The following PPP2R3C variants were observed in gnomAD, a reference collection of about 807,000 sequenced individuals.
PPP2R3C encodes the protein protein phosphatase 2 regulatory subunit B''gamma.
In PPP2R3C, 47 loss-of-function variants were observed where a neutral mutation model predicts 63.7. The observed-to-expected ratio is 0.74, with a 90% CI of 0.58 to 0.94. PPP2R3C has a LOEUF of 0.94. Ranked by LOEUF, PPP2R3C falls within the 40% of genes least tolerant of loss-of-function variation. The probability of loss-of-function intolerance (pLI) is 0.00; values close to 1 mark genes in which losing one functional copy is unlikely to be tolerated. For missense variants in PPP2R3C, 421 were observed against 518.4 expected (o/e 0.81, Z 1.82); for synonymous variants, 180 against 177.4 (o/e 1.01, Z -0.12).
intron 2 of PPP2R3C, among the ~76,000 whole-genome samples, chr14:35,114,311 A>C (rs1259175593): frequency 2.0e-5 from 3 of 152,226 alleles, no homozygotes; most frequent in Non-Finnish European, 4.4e-5. Context: ...TCTACAATAA[A>C]TATAGGCTAG....
intron 1 of PPP2R3C, among the ~76,000 whole-genome samples, chr14:35,120,134 C>T (rs891160115): frequency 1.8e-4 from 28 of 151,650 alleles, no homozygotes; most frequent in African/African-American, 6.8e-4. Flanking sequence ...CCACCGCGCC[C>T]GGCATCAGTT....
At chr14:35,110,491 T>G (rs772894945) in intron 3 of PPP2R3C, 34 bp downstream of exon 3, 2 of 1,408,742 alleles carry the variant, frequency 1.4e-6, no homozygotes. Context: ...GAGAAATGGT[T>G]AACATCTAAA....
At chr14:35,107,650 C>T (rs1214830278) in intron 5 of PPP2R3C, 4 of 396,368 alleles carry the variant, frequency 1.0e-5, no homozygotes, top group African/African-American at 2.0e-5. Flanking sequence ...TAATATTATG[C>T]CTTCAGTGAA....
chr14:35,093,907 T>TCCCAAAGTTATCAGATTCTTAA (rs1340786625), intron 10 of PPP2R3C, among the ~76,000 whole-genome samples: 1 of 152,164 alleles, frequency 6.6e-6, no homozygotes, highest in East Asian at 1.9e-4. Flanking sequence ...CGCCTCGGCC[T>TCCCAAAGTTATCAGATTCTTAA]CCCAAAGTTA....
intron 6 of PPP2R3C, among the ~76,000 whole-genome samples, chr14:35,103,545 T>A (rs1048545268): frequency 6.6e-6 from 1 of 152,206 alleles, no homozygotes; most frequent in Non-Finnish European, 1.5e-5. Context: ...ATTTAGTGTC[T>A]GTCTTCCCAC....
At chr14:35,091,676 C>G (rs1291961479) in intron 10 of PPP2R3C, among the ~76,000 whole-genome samples, 1 of 149,374 alleles carries the variant, frequency 6.7e-6, no homozygotes, top group East Asian at 2.0e-4. Context: ...CATAGGAATT[C>G]TATATATAAT....
intron 2 of PPP2R3C, among the ~76,000 whole-genome samples, chr14:35,114,882 A>G (rs1380915053): frequency 6.6e-6 from 1 of 152,112 alleles, no homozygotes; most frequent in Non-Finnish European, 1.5e-5. Flanking sequence ...AATCCCAGCT[A>G]CTTAGGAGGG....
At chr14:35,107,953 G>A (rs1327412424) in intron 5 of PPP2R3C, 186 bp downstream of exon 5, 2 of 625,704 alleles carry the variant, frequency 3.2e-6, no homozygotes, top group African/African-American at 3.8e-5. Context: ...AGACACATGA[G>A]GGTTTAAAAA....
At chr14:35,110,950 T>C (rs1049648981) in intron 2 of PPP2R3C, among the ~76,000 whole-genome samples, 5 of 152,026 alleles carry the variant, frequency 3.3e-5, no homozygotes, top group Non-Finnish European at 7.4e-5. Flanking sequence ...TAGAATGATA[T>C]AGAATTGGCT....
At chr14:35,097,639 C>T (rs1595091367) in intron 7 of PPP2R3C, among the ~76,000 whole-genome samples, 1 of 152,128 alleles carries the variant, frequency 6.6e-6, no homozygotes, top group African/African-American at 2.4e-5. Flanking sequence ...CCCACCACCA[C>T]ATCCAGCTAA....
At chr14:35,122,060 A>T, upstream of PPP2R3C, 1 of 1,298,004 alleles carries the variant, frequency 7.7e-7, no homozygotes, top group East Asian at 2.4e-5. Flanking sequence ...AAGGTTAGGA[A>T]GGCCGTCCAA....
intron 1 of PPP2R3C, among the ~76,000 whole-genome samples, chr14:35,121,009 A>G (rs2046866798): frequency 6.6e-6 from 1 of 152,100 alleles, no homozygotes; most frequent in East Asian, 1.9e-4. Context: ...AATTGAATGT[A>G]GGAGAATGAA....
intron 1 of PPP2R3C, 135 bp from the exon 2 acceptor site, chr14:35,116,872 C>T: frequency 2.9e-6 from 2 of 685,980 alleles, no homozygotes; most frequent in Non-Finnish European, 4.4e-6. Flanking sequence ...TGTGCTTAGA[C>T]ACTGAGCATA....
In PPP2R3C at chr14:35,114,949, G is replaced by A. The variant is rs113004951; in HGVS notation, c.186+1661C>T. ...GCAGAGGTCGCAGTGAGCTGAGATC[G>A]TGCCATTGCACTCCGGCCTGGGCAA... is the stretch of plus-strand genomic sequence containing the variant. On this transcript the variant is annotated intron_variant, in intron 2 of 12. Coordinates refer to ENST00000261475, the MANE Select transcript of PPP2R3C (RefSeq NM_017917.4). Among the ~76,000 whole-genome samples the A allele has an allele frequency of 7.9e-5, 12 of 151,942 alleles. 1 individual carries two copies. Among genetic ancestry groups the A allele is most frequent in the Admixed American group, 3.3e-4 (5 of 15,262 alleles).
Position 35,121,940 on chromosome 14 carries a change from A to C in PPP2R3C, c.20T>G (p.Leu7Arg), listed in dbSNP as rs777127421. The change falls in exon 1 of 13, where the codon CTT (leucine) becomes CGT (arginine). Residue 7 changes from leucine (L) to arginine (R), a missense_variant. Physicochemically the swap from Leu to Arg is moderately radical, Grantham distance 102. Transcript: ENST00000261475. MDWKEV[L>R]RRRLATPNTC... is the part of the protein sequence containing the mutation. ...GTTGGGCGTCGCTAGGCGCCGACGAAGAACTTCTTTCCAGTCCATGGCCGA... is the reference window on the plus strand; with the variant it reads ...GTTGGGCGTCGCTAGGCGCCGACGACGAACTTCTTTCCAGTCCATGGCCGA... 6.2e-7 allele frequency: 1 copy of C among 1,614,186 alleles called. No individual in the cohort carries two copies.
At position 35,107,510 on chromosome 14, in the gene PPP2R3C, A is replaced by C. The variant is rs1419144772; in HGVS notation, c.503-136T>G. On this transcript the variant is annotated intron_variant, in intron 5 of 12. Transcript: ENST00000261475. Reference sequence around the variant, plus strand: ...TTTCTTCTCACCACAAAATTGCTTGAAACAAAAAACCATAGAATGGAAGAG... The same window carrying C: ...TTTCTTCTCACCACAAAATTGCTTGCAACAAAAAACCATAGAATGGAAGAG... The C allele has an allele frequency of 1.8e-5, 12 of 678,170 alleles. No homozygotes were observed. The Admixed American group carries it at 3.0e-4, about 17-fold the overall frequency. 42.0% of individuals were successfully genotyped at this position (678,170 alleles called of 1,614,324 possible).
chr14:35,100,638 CCTT>C (rs2046156272), intron 6 of PPP2R3C: 1 of 152,140 alleles, frequency 6.6e-6, no homozygotes, highest in African/African-American at 2.4e-5. Context: ...TCAATGTATT[CCTT>C]CTTTTTGAGG....
chr14:35,120,596 C>T (rs2138733251), intron 1 of PPP2R3C, among the ~76,000 whole-genome samples: 1 of 152,222 alleles, frequency 6.6e-6, no homozygotes, highest in East Asian at 1.9e-4. Flanking sequence ...AGTTCATCAG[C>T]TTAAAGTAAG....
chr14:35,121,149 T>C (rs1055426251), intron 1 of PPP2R3C, among the ~76,000 whole-genome samples: 2 of 151,996 alleles, frequency 1.3e-5, no homozygotes, highest in African/African-American at 4.8e-5. Flanking sequence ...GAGGCCGAGG[T>C]GGGCGAATCA....
Sources: allele counts gnomAD v4.1 joint callset (sites outside exome capture counted in the v4.1 genomes callset), GRCh38; gene constraint gnomAD v4.1.1; transcripts MANE v1.5; gene names NCBI Gene and HGNC (gene_info 2026-07-23, HGNC 2026-07-21).